The following KDM3B variants were observed in gnomAD, a reference collection of about 807,000 sequenced individuals.
KDM3B encodes the protein lysine demethylase 3B, also known as lysine-specific demethylase 3B.
A neutral mutation model predicts 170.0 loss-of-function variants in KDM3B; 10 were observed. That is an observed-to-expected ratio of 0.06 (90% CI 0.04 to 0.10). The LOEUF (loss-of-function observed/expected upper bound fraction) is 0.10. Among genes scored for constraint, KDM3B ranks in the 10% least tolerant of loss-of-function variants. The probability of loss-of-function intolerance (pLI) is 1.00; values close to 1 mark genes in which losing one functional copy is unlikely to be tolerated. For missense variants in KDM3B, 1,394 were observed against 2,195.2 expected (o/e 0.64, Z 7.29); for synonymous variants, 831 against 834.8 (o/e 1.00, Z 0.08).
At chr5:138,365,863 G>T (rs1031180327) in intron 1 of KDM3B, among the ~76,000 whole-genome samples, 5 of 151,982 alleles carry the variant, frequency 3.3e-5, no homozygotes, top group Admixed American at 1.3e-4. Flanking sequence ...GCCGGGCGTG[G>T]TGGTGCTTGC....
rs1315728156 is a variant in KDM3B, at chr5:138,375,218, T to A, written c.474+12T>A. 7 of 1,537,262 alleles carry A rather than the reference T, an allele frequency of 4.6e-6. No individual in the cohort carries two copies. In the African/African-American group the frequency reaches 9.5e-5, roughly 21 times the overall value. On this transcript the variant is annotated intron_variant, in intron 3 of 23. Coordinates refer to ENST00000314358, the MANE Select transcript of KDM3B (RefSeq NM_016604.4). ...TGCATCTGTTTCAGGTATTTAACACTTGCTTTAGTCTTGAGCCTATTATTT... is the reference window on the plus strand; with the variant it reads ...TGCATCTGTTTCAGGTATTTAACACATGCTTTAGTCTTGAGCCTATTATTT...
chr5:138,386,286 C>G lies in KDM3B; in HGVS notation c.1045C>G (p.Gln349Glu). Residue 349 changes from glutamine (Q) to glutamate (E), a missense_variant, in exon 7 of 24, where the codon CAG (glutamine) becomes GAG (glutamate). Physicochemically the swap from Gln to Glu is conservative, Grantham distance 29 (BLOSUM62 2). Transcript: ENST00000314358. The stretch of plus-strand genomic sequence containing the variant: ...GCAGCCACCGTCTACATTTGTCCCC[C>G]AGATAAACCGCAACATTCGCTTTGC... The part of the protein sequence containing the change: ...AKQPPSTFVP[Q>E]INRNIRFATY... 1 of 1,614,152 alleles carries G rather than the reference C, an allele frequency of 6.2e-7. No individual in the cohort carries two copies. Among genetic ancestry groups the G allele is most frequent in the South Asian group, 1.1e-5 (1 of 91,072 alleles).
At chr5:138,413,307 G>A (rs572361034) in intron 11 of KDM3B, among the ~76,000 whole-genome samples, 27 of 151,012 alleles carry the variant, frequency 1.8e-4, no homozygotes, top group Admixed American at 1.3e-3. Context: ...TGCTTGAACC[G>A]GGGAGGCAGA....
At chr5:138,390,971 A>G in intron 7 of KDM3B, 42 bp from the exon 8 acceptor site, 3 of 1,502,254 alleles carry the variant, frequency 2.0e-6, no homozygotes, top group African/African-American at 1.4e-5. Context: ...TTAGATTGTC[A>G]TGAGAAGCCA....
At chr5:138,404,115 G>A (rs1762758778) in intron 11 of KDM3B, among the ~76,000 whole-genome samples, 1 of 152,106 alleles carries the variant, frequency 6.6e-6, no homozygotes, top group Non-Finnish European at 1.5e-5. Flanking sequence ...ATTGAAAAAT[G>A]CCTTGTAGAG....
At chr5:138,421,355 C>T (rs949795479) in intron 15 of KDM3B, among the ~76,000 whole-genome samples, 2 of 152,200 alleles carry the variant, frequency 1.3e-5, no homozygotes, top group African/African-American at 2.4e-5. Context: ...AAGCTTGCTT[C>T]TCCTTAGTTT....
rs149190373 is a variant in KDM3B, at chr5:138,418,969, C to G, written c.3452C>G (p.Pro1151Arg). 1.1e-3 allele frequency: 1,826 copies of G among 1,614,160 alleles called. 5 individuals are homozygous for G. Among genetic ancestry groups the G allele is most frequent in the Middle Eastern group, 4.5e-3 (27 of 6,062 alleles). ...NGMSQLPSINPSASSGNETTF... is the reference protein window; with the variant it reads ...NGMSQLPSINRSASSGNETTF... ...GCATTTTAGCTTCCTAGCATAAACC[C>G]TAGTGCCTCTTCTGGAAACGAAACT... The change falls in exon 14 of 24, where the codon CCT (proline) becomes CGT (arginine). Residue 1151 changes from proline (P) to arginine (R), a missense_variant. By Grantham distance (103) the Pro-to-Arg change is moderately radical. This residue lies in a region of KDM3B where 87 missense variants were observed against 83.3 expected (regional missense o/e 1.04). Transcript: ENST00000314358.
chr5:138,396,945 G>T (rs1762562482), intron 9 of KDM3B, among the ~76,000 whole-genome samples: 1 of 152,188 alleles, frequency 6.6e-6, no homozygotes, highest in South Asian at 2.1e-4. Flanking sequence ...CTACACTTTG[G>T]AAGGCCGAGG....
intron 11 of KDM3B, among the ~76,000 whole-genome samples, chr5:138,403,350 G>GT (rs1762735899): frequency 6.6e-6 from 1 of 151,880 alleles, no homozygotes; most frequent in Non-Finnish European, 1.5e-5. Context: ...CAATCAATAG[G>GT]AAAAAACCCC....
intron 7 of KDM3B, among the ~76,000 whole-genome samples, chr5:138,387,416 A>G (rs796091849): frequency 3.3e-5 from 5 of 152,318 alleles, no homozygotes; most frequent in African/African-American, 1.2e-4. Flanking sequence ...TGAAATGCTT[A>G]ATGATTTTTA....
chr5:138,429,909 T>G lies in KDM3B; in HGVS notation c.4837T>G (p.Leu1613Val). ...IHDGKEKPGA[L>V]WHIYAAKDAE... ...TGATGGAAAAGAGAAGCCAGGTGCT[T>G]TATGGCACATCTATGCAGCCAAGGA... Residue 1613 changes from leucine to valine, a missense_variant, in exon 21 of 24, where the codon TTA (leucine) becomes GTA (valine). This residue lies in a region of KDM3B where 79 missense variants were observed against 270.5 expected (regional missense o/e 0.29). Coordinates refer to ENST00000314358, the MANE Select transcript of KDM3B (RefSeq NM_016604.4). The G allele has an allele frequency of 6.2e-7, 1 of 1,614,164 alleles. No individual in the cohort carries two copies. Among genetic ancestry groups the G allele is most frequent in the Non-Finnish European group, 8.5e-7 (1 of 1,180,014 alleles).
chr5:138,366,969 C>G (rs1761762242), intron 1 of KDM3B, among the ~76,000 whole-genome samples: 1 of 152,186 alleles, frequency 6.6e-6, no homozygotes, highest in Admixed American at 6.5e-5. Context: ...ACTACTACTC[C>G]CAGAACACTT....
chr5:138,400,043 A>G (rs1295685888), intron 11 of KDM3B, 31 bp downstream of exon 11: 2 of 1,610,518 alleles, frequency 1.2e-6, no homozygotes, highest in Admixed American at 1.7e-5. Context: ...GTAGCTCGAA[A>G]GGTAACGTGG....
intron 20 of KDM3B, among the ~76,000 whole-genome samples, chr5:138,428,508 GCTT>G (rs1763452512): frequency 6.6e-6 from 1 of 152,178 alleles, no homozygotes; most frequent in Non-Finnish European, 1.5e-5. Context: ...ACTGCACCCG[GCTT>G]CTTTTTTCTT....
chr5:138,418,509 A>G (rs1763167318), intron 13 of KDM3B, among the ~76,000 whole-genome samples: 1 of 152,216 alleles, frequency 6.6e-6, no homozygotes, highest in Non-Finnish European at 1.5e-5. Context: ...ATATATTTTC[A>G]GTAGAGTTGA....
intron 1 of KDM3B, 84 bp downstream of exon 1, chr5:138,353,071 G>GT: frequency 1.0e-6 from 1 of 989,006 alleles, no homozygotes; most frequent in Non-Finnish European, 1.3e-6. Context: ...TGAGGGGGCG[G>GT]TGGGATGGGG....
At chr5:138,356,513 T>C (rs1218673120) in intron 1 of KDM3B, among the ~76,000 whole-genome samples, 1 of 152,178 alleles carries the variant, frequency 6.6e-6, no homozygotes, top group African/African-American at 2.4e-5. Flanking sequence ...TTGTTACTTA[T>C]GGATATCTTT....
chr5:138,388,363 C>T (rs1218873969), intron 7 of KDM3B, among the ~76,000 whole-genome samples: 2 of 151,808 alleles, frequency 1.3e-5, no homozygotes, highest in East Asian at 3.9e-4. Flanking sequence ...AGGCATAGTA[C>T]AGCTCATGCC....
intron 12 of KDM3B, 97 bp from the exon 13 acceptor site, chr5:138,417,386 A>G (rs1156581894): frequency 4.2e-6 from 5 of 1,178,698 alleles, no homozygotes; most frequent in Non-Finnish European, 6.0e-6. Context: ...GAAATGTGGT[A>G]AGGATTGAGG....
Sources: gnomAD v4.1 joint callset for allele counts (sites outside exome capture counted in the v4.1 genomes callset) on GRCh38, gnomAD v4.1.1 for gene constraint, gnomAD v4.1.1 regional missense constraint, MANE v1.5 for transcripts, NCBI Gene and HGNC (gene_info 2026-07-23, HGNC 2026-07-21) for gene names.